IRF2: variants seen among roughly 807,000 people sequenced by gnomAD.
IRF2 encodes interferon regulatory factor 2.
Under a neutral mutation model 40.6 loss-of-function variants are expected in IRF2, and 15 were observed. The observed-to-expected ratio is 0.37, with a 90% CI of 0.25 to 0.57. The LOEUF is 0.57. Among genes scored for constraint, IRF2 ranks in the 20% least tolerant of loss-of-function variants. The pLI is 0.77. For missense variants in IRF2, 317 were observed against 455.7 expected, an observed-to-expected ratio of 0.70 and a Z score of 2.77; for synonymous variants, 151 against 165.5, an observed-to-expected ratio of 0.91 and a Z score of 0.67.
chr4:184,462,882 A>C (rs1242274854), intron 1 of IRF2, among the ~76,000 whole-genome samples: 1 of 152,270 alleles, frequency 6.6e-6, no homozygotes. Context: ...CAGCCTTTCA[A>C]GCTAACCTTT....
rs1329615761 is a variant in IRF2 at position 184,418,403 on chromosome 4, G to A, written c.364+129C>T. The A allele has an allele frequency of 4.9e-5, 48 of 980,250 alleles. No individual in the cohort carries two copies. The East Asian group carries it at 5.4e-4, about 11-fold the overall frequency. 60.7% of individuals were successfully genotyped at this position (980,250 alleles called of 1,614,324 possible). ...TCTTGTTTCCAAGCCAGGTAGGGGC[G>A]GAATGATCCCCTACAGCATGAACAG... On this transcript the variant is annotated intron_variant, in intron 4 of 8. Coordinates refer to ENST00000393593, the MANE Select transcript of IRF2 (RefSeq NM_002199.4).
At chr4:184,445,697 G>C (rs1312058234) in intron 1 of IRF2, among the ~76,000 whole-genome samples, 3 of 150,404 alleles carry the variant, frequency 2.0e-5, no homozygotes, top group Non-Finnish European at 1.5e-5. Flanking sequence ...TACAGTAATA[G>C]AGAACATTCT....
At chr4:184,468,001 C>T (rs747156135) in intron 1 of IRF2, among the ~76,000 whole-genome samples, 1 of 152,240 alleles carries the variant, frequency 6.6e-6, no homozygotes, top group East Asian at 1.9e-4. Context: ...GAACCTCACA[C>T]ACCTGCTTCT....
chr4:184,446,077 G>T (rs1738498189), intron 1 of IRF2, among the ~76,000 whole-genome samples: 1 of 152,218 alleles, frequency 6.6e-6, no homozygotes, highest in African/African-American at 2.4e-5. Flanking sequence ...GCCAAGGATT[G>T]CTAGCAGCCA....
intron 1 of IRF2, among the ~76,000 whole-genome samples, chr4:184,434,061 G>A (rs527733934): frequency 2.0e-4 from 31 of 152,290 alleles, no homozygotes; most frequent in Non-Finnish European, 3.8e-4. Flanking sequence ...ATGCTTACTC[G>A]GTATGTATCG....
At chr4:184,456,225 A>C (rs1738927086) in intron 1 of IRF2, among the ~76,000 whole-genome samples, 1 of 152,138 alleles carries the variant, frequency 6.6e-6, no homozygotes, top group Non-Finnish European at 1.5e-5. Context: ...CAAATAGATG[A>C]ATTTTTTTCA....
At position 184,424,214 on chromosome 4, in the gene IRF2, C is replaced by T. The variant is rs545500472; in HGVS notation, c.88-4646G>A. On this transcript the variant is annotated intron_variant, in intron 2 of 8. Coordinates refer to ENST00000393593, the MANE Select transcript of IRF2 (RefSeq NM_002199.4). ...AATACCCATAACCAAAGGTAAATTG[C>T]CCCAGCCAAGGTCTCATTCATGAGC... 4.6e-5 allele frequency among the ~76,000 whole-genome samples: 7 copies of T among 152,308 alleles called. No individual in the cohort carries two copies. The South Asian group carries it at 1.4e-3, about 32-fold the overall frequency.
At position 184,474,104 on chromosome 4, in the gene IRF2, ACCTCCTCCTCCT is replaced by A; in HGVS notation, c.-7+263_-7+274del. The A allele has an allele frequency of 1.3e-5, 2 of 149,716 alleles. 1 individual carries two copies. The highest frequency in any genetic ancestry group is 3.9e-4 in the East Asian group (2 of 5,104). 9.3% of individuals were successfully genotyped at this position (149,716 alleles called of 1,614,324 possible). A position where few individuals can be genotyped will look rare whatever the true frequency, so the allele number is the denominator to read the frequency against. ...AACCTCCTCCTCCTCCTCCCTCTCT[ACCTCCTCCTCCT>A]CCTCCTCCTCGCAGCCTCAGCAGCC... On this transcript the variant is annotated intron_variant, in intron 1 of 8. Coordinates refer to ENST00000393593, the MANE Select transcript of IRF2 (RefSeq NM_002199.4). The surrounding 1 kb of genome is among the most constrained non-coding windows in gnomAD (Gnocchi z 5.6).
At chr4:184,456,653 A>ACCTTC (rs1738947293) in intron 1 of IRF2, among the ~76,000 whole-genome samples, 1 of 152,242 alleles carries the variant, frequency 6.6e-6, no homozygotes, top group Non-Finnish European at 1.5e-5. Context: ...CTACCGGGAA[A>ACCTTC]CCGGGTGCCT....
chr4:184,412,447 C>T (rs990298767), intron 5 of IRF2, among the ~76,000 whole-genome samples: 2 of 152,188 alleles, frequency 1.3e-5, no homozygotes, highest in Admixed American at 1.3e-4. Context: ...TAATGGGCCT[C>T]CAGCCCACCT....
At chr4:184,421,347 C>T (rs557079166) in intron 2 of IRF2, among the ~76,000 whole-genome samples, 34 of 152,278 alleles carry the variant, frequency 2.2e-4, no homozygotes, top group East Asian at 5.8e-4. Context: ...ATAAATTCCT[C>T]GGTGTTCATT....
intron 1 of IRF2, among the ~76,000 whole-genome samples, chr4:184,435,674 G>A (rs1738050547): frequency 1.3e-5 from 2 of 152,200 alleles, no homozygotes; most frequent in Admixed American, 6.5e-5. Flanking sequence ...AGAGGAGGCT[G>A]TGGGGCTTTG....
rs1375400901 is a variant in IRF2, at chr4:184,388,327, C to A, written c.*431G>T. On this transcript the variant is annotated 3_prime_UTR_variant, in exon 9 of 9. Transcript: ENST00000393593. This position sits in a 1 kb window ranked among gnomAD's most constrained non-coding sequence, Gnocchi z 4.6. ...AGAGCAAGATCACAAGAAGGCCTAT[C>A]TGTAAGTGCTTTAAGATAAGGTGCA... 6.0e-6 allele frequency: 1 copy of A among 167,224 alleles called. No individual in the cohort carries two copies. Among genetic ancestry groups the A allele is most frequent in the Non-Finnish European group, 1.3e-5 (1 of 78,468 alleles). 10.4% of individuals were successfully genotyped at this position (167,224 alleles called of 1,614,324 possible). A position where few individuals can be genotyped will look rare whatever the true frequency, so the allele number is the denominator to read the frequency against.
intron 7 of IRF2, among the ~76,000 whole-genome samples, chr4:184,396,085 C>G (rs553140170): frequency 6.6e-6 from 1 of 152,238 alleles, no homozygotes; most frequent in Non-Finnish European, 1.5e-5. Context: ...ATGCCTGCAG[C>G]AGCAGGCTAT....
intron 1 of IRF2, among the ~76,000 whole-genome samples, chr4:184,457,766 C>T (rs530520682): frequency 6.6e-6 from 1 of 152,166 alleles, no homozygotes; most frequent in African/African-American, 2.4e-5. Flanking sequence ...TGCACAGCTG[C>T]GACACGCCCT....
At chr4:184,464,811 T>C (rs964320901) in intron 1 of IRF2, among the ~76,000 whole-genome samples, 1 of 152,152 alleles carries the variant, frequency 6.6e-6, no homozygotes, top group Non-Finnish European at 1.5e-5. Context: ...TTTCATCCCA[T>C]GTCAGGGGAG....
At chr4:184,414,928 G>T (rs1737210477) in intron 5 of IRF2, among the ~76,000 whole-genome samples, 1 of 152,196 alleles carries the variant, frequency 6.6e-6, no homozygotes, top group South Asian at 2.1e-4. Flanking sequence ...GACTAAGTAG[G>T]TTTAGTATAT....
At chr4:184,411,162 A>G (rs1318187780) in intron 5 of IRF2, among the ~76,000 whole-genome samples, 1 of 151,446 alleles carries the variant, frequency 6.6e-6, no homozygotes, top group Admixed American at 6.6e-5. Flanking sequence ...GGTTCAAGAG[A>G]TTCTCCTGCC....
chr4:184,470,702 A>G lies in IRF2; in HGVS notation c.-7+3677T>C, dbSNP rs536453355. 1.1e-3 allele frequency among the ~76,000 whole-genome samples: 141 copies of G among 132,758 alleles called. 2 individuals are homozygous for G. Among genetic ancestry groups the G allele is most frequent in the African/African-American group, 3.7e-3 (125 of 33,558 alleles). 87.1% of individuals were successfully genotyped at this position (132,758 alleles called of 152,430 possible). On this transcript the variant is annotated intron_variant, in intron 1 of 8. Transcript: ENST00000393593. ...AAGACTCTGCCTCAAAAAAAAAAAA[A>G]AAGAAAAGAAAAAAAAGGTGGTAAA... is the stretch of plus-strand genomic sequence containing the variant.
Sources: allele counts gnomAD v4.1 joint callset (sites outside exome capture counted in the v4.1 genomes callset), GRCh38; gene constraint gnomAD v4.1.1; non-coding constraint Gnocchi (gnomAD v3.1); transcripts MANE v1.5; gene names NCBI Gene and HGNC (gene_info 2026-07-23, HGNC 2026-07-21).